The following AADAC variants were observed in gnomAD, a reference collection of about 807,000 sequenced individuals.
The protein encoded by AADAC is arylacetamide deacetylase (esterase).
A neutral mutation model predicts 22.7 loss-of-function variants in AADAC; 17 were observed. The ratio of observed to expected loss-of-function variants is 0.75; its 90% CI spans 0.51 to 1.12. The LOEUF is 1.12. Among genes scored for constraint, AADAC ranks in the 50% most tolerant of loss-of-function variants. The pLI is 0.00. For synonymous variants in AADAC, 167 were observed against 176.3 expected (o/e 0.95, Z 0.42); for missense variants, 465 against 473.9 (o/e 0.98, Z 0.17).
chr3:151,827,865 A>G lies in AADAC; in HGVS notation c.893A>G (p.Asn298Ser). 6.2e-7 allele frequency: 1 copy of G among 1,613,036 alleles called. No individual in the cohort carries two copies. Among genetic ancestry groups the G allele is most frequent in the Non-Finnish European group, 8.5e-7 (1 of 1,179,528 alleles). Residue 298 changes from asparagine to serine, a missense_variant, in exon 5 of 5, where the codon AAC (asparagine) becomes AGC (serine). Coordinates refer to ENST00000232892, the MANE Select transcript of AADAC (RefSeq NM_001086.3). ...PERFIKGHVYNNPNYGSSELA... is the reference protein window; with the variant it reads ...PERFIKGHVYSNPNYGSSELA... ...AGGTTTATAAAAGGACATGTTTATA[A>G]CAATCCAAATTATGGCAGTTCTGAG... is the stretch of plus-strand genomic sequence containing the variant.
In AADAC at chr3:151,828,216, A is replaced by C. The variant is rs777003750; in HGVS notation, c.*44A>C. The C allele has an allele frequency of 7.9e-7, 1 of 1,270,964 alleles. No homozygotes were observed. Among genetic ancestry groups the C allele is most frequent in the Non-Finnish European group, 1.0e-6 (1 of 954,920 alleles). The allele number at this position is 1,270,964 out of a possible 1,614,324, so 78.7% of individuals were successfully genotyped here. On this transcript the variant is annotated 3_prime_UTR_variant, in exon 5 of 5. Transcript: ENST00000232892. ...CATATTTTAAAAATAAAATCTGAAA[A>C]CCTCAGAAAATTTGCATTAGAAATT... is the stretch of plus-strand genomic sequence containing the variant.
chr3:151,814,393 G>A, intron 1 of AADAC, 93 bp downstream of exon 1: 1 of 1,292,866 alleles, frequency 7.7e-7, no homozygotes, highest in Non-Finnish European at 1.0e-6. Flanking sequence ...TTGATTTATT[G>A]ACTTATTCAT....
chr3:151,818,594 G>A (rs992234852), intron 2 of AADAC, among the ~76,000 whole-genome samples: 6 of 152,116 alleles, frequency 3.9e-5, no homozygotes, highest in African/African-American at 1.2e-4. Flanking sequence ...ACAGCTCAGC[G>A]TTTGCCTTAT....
intron 1 of AADAC, among the ~76,000 whole-genome samples, chr3:151,815,818 G>A (rs1003558078): frequency 2.0e-5 from 3 of 151,552 alleles, no homozygotes; most frequent in African/African-American, 4.8e-5. Flanking sequence ...TTTTGTGATC[G>A]TTTATGCTCC....
At chr3:151,816,243 T>C (rs982656302) in intron 1 of AADAC, among the ~76,000 whole-genome samples, 2 of 152,018 alleles carry the variant, frequency 1.3e-5, no homozygotes, top group Non-Finnish European at 2.9e-5. Flanking sequence ...ACCAGCTCCA[T>C]AGCCACACCT....
intron 1 of AADAC, among the ~76,000 whole-genome samples, chr3:151,814,691 A>C (rs150322703): frequency 6.6e-6 from 1 of 152,154 alleles, no homozygotes; most frequent in Non-Finnish European, 1.5e-5. Flanking sequence ...TTATGCACTT[A>C]TCTTTGGGAT....
rs1485306391 is a variant in AADAC at position 151,817,290 on chromosome 3, T to C, written c.139-76T>C. ...TCCATTTGAGTTTATTAAGGGTTAA[T>C]GTCTACCTATAAGTCCATAGATCTC... is the stretch of plus-strand genomic sequence containing the variant. On this transcript the variant is annotated intron_variant, in intron 1 of 4. Coordinates refer to ENST00000232892, the MANE Select transcript of AADAC (RefSeq NM_001086.3). The C allele has an allele frequency of 8.6e-5, 108 of 1,257,724 alleles. 1 individual carries two copies. Among genetic ancestry groups the C allele is most frequent in the Non-Finnish European group, 1.2e-4 (107 of 877,200 alleles). The allele number at this position is 1,257,724 out of a possible 1,614,324, so 77.9% of individuals were successfully genotyped here. A position where few individuals can be genotyped will look rare whatever the true frequency, so the allele number is the denominator to read the frequency against.
intron 3 of AADAC, 140 bp from the exon 4 acceptor site, chr3:151,824,523 A>G (rs1320152346): frequency 7.6e-6 from 4 of 522,884 alleles, no homozygotes; most frequent in Non-Finnish European, 1.2e-5. Flanking sequence ...TAAAGAAATT[A>G]TATACTTATG....
rs552581419 is a variant in AADAC, at chr3:151,814,177, G to T, written c.15G>T (p.Ser5=). Residue 5 remains serine, a synonymous_variant, in exon 1 of 5, where the codon TCG becomes TCT. Transcript: ENST00000232892. The part of the protein sequence containing the change: MGRK[S]LYLLIVGILI... ...GGACGTTCACCATGGGAAGAAAATCGCTGTACCTTCTGATTGTGGGGATCC... is the reference window on the plus strand; with the variant it reads ...GGACGTTCACCATGGGAAGAAAATCTCTGTACCTTCTGATTGTGGGGATCC... 3.1e-6 allele frequency: 5 copies of T among 1,613,278 alleles called. No individual in the cohort carries two copies. The Admixed American group carries it at 6.7e-5, about 22-fold the overall frequency.
At chr3:151,817,228 G>T (rs1716025861) in intron 1 of AADAC, 138 bp from the exon 2 acceptor site, 1 of 714,778 alleles carries the variant, frequency 1.4e-6, no homozygotes. Context: ...TCTTTTAAAA[G>T]GACCAAGCAG....
In AADAC at chr3:151,824,669, A is replaced by T. The variant is rs772072752; in HGVS notation, c.438A>T (p.Arg146Ser). 1 of 1,571,538 alleles carries T rather than the reference A, an allele frequency of 6.4e-7. No homozygotes were observed. Among genetic ancestry groups the T allele is most frequent in the African/African-American group, 1.4e-5 (1 of 73,152 alleles). Reference protein sequence around the residue: ...LDAVVVSTNYRLAPKYHFPIQ... With the variant: ...LDAVVVSTNYSLAPKYHFPIQ... ...CTATGTTTTCTCTCTACAGCTACAG[A>T]TTAGCACCTAAGTATCATTTCCCAA... The change falls in exon 4 of 5, where the codon AGA becomes AGT. Residue 146 changes from arginine to serine, a missense_variant. By Grantham distance (110) the Arg-to-Ser change is moderately radical. Coordinates refer to ENST00000232892, the MANE Select transcript of AADAC (RefSeq NM_001086.3).
At position 151,824,759 on chromosome 3, in the gene AADAC, T is replaced by C. The variant is rs761211940; in HGVS notation, c.528T>C (p.Tyr176=). The C allele has an allele frequency of 4.0e-5, 65 of 1,608,650 alleles. No individual in the cohort carries two copies. The highest frequency in any genetic ancestry group is 4.4e-5 in the Non-Finnish European group (52 of 1,177,348). Reference sequence around the variant, plus strand: ...TACGTAAAAAAGTTCTTGCAAAATATGGTGTGAACCCTGAGAGAATCGGTA... The same window carrying C: ...TACGTAAAAAAGTTCTTGCAAAATACGGTGTGAACCCTGAGAGAATCGGTA... ...WFLRKKVLAK[Y]GVNPERIGIS... is the part of the protein sequence containing the mutation. Residue 176 remains tyrosine, a synonymous_variant, in exon 4 of 5, where the codon TAT becomes TAC. Transcript: ENST00000232892.
chr3:151,826,099 T>C (rs1716482594), intron 4 of AADAC, among the ~76,000 whole-genome samples: 1 of 152,014 alleles, frequency 6.6e-6, no homozygotes, highest in African/African-American at 2.4e-5. Flanking sequence ...TATTTATTTA[T>C]AATTTTTCAC....
intron 4 of AADAC, among the ~76,000 whole-genome samples, chr3:151,825,392 C>A (rs1716445539): frequency 6.6e-6 from 1 of 151,476 alleles, no homozygotes; most frequent in African/African-American, 2.4e-5. Context: ...GGCCCTGTCT[C>A]TTAAAAGCAT....
At chr3:151,817,260 T>C (rs1165501952) in intron 1 of AADAC, 106 bp from the exon 2 acceptor site, 1 of 931,724 alleles carries the variant, frequency 1.1e-6, no homozygotes, top group African/African-American at 1.7e-5. Context: ...GAAAATTTAG[T>C]TCATTCCATT....
intron 4 of AADAC, 54 bp from the exon 5 acceptor site, chr3:151,827,522 G>A: frequency 1.0e-6 from 1 of 995,410 alleles, no homozygotes; most frequent in South Asian, 1.6e-5. Context: ...TCTTATTAGG[G>A]ATATTTTATT....
intron 3 of AADAC, 84 bp from the exon 4 acceptor site, chr3:151,824,579 T>G: frequency 1.1e-5 from 12 of 1,134,114 alleles, no homozygotes; most frequent in Non-Finnish European, 1.4e-5. Flanking sequence ...TATTGCGGTT[T>G]TGTCATTACT....
chr3:151,818,539 A>G (rs1461095268), intron 2 of AADAC, among the ~76,000 whole-genome samples: 1 of 152,162 alleles, frequency 6.6e-6, no homozygotes, highest in East Asian at 1.9e-4. Flanking sequence ...AAGGAAAGTG[A>G]CATTCAGAAA....
At chr3:151,825,228 A>G (rs1716436460) in intron 4 of AADAC, among the ~76,000 whole-genome samples, 1 of 151,462 alleles carries the variant, frequency 6.6e-6, no homozygotes, top group Non-Finnish European at 1.5e-5. Context: ...AAAAGAAAAA[A>G]GAAAAATTAG....
Sources: allele counts gnomAD v4.1 joint callset (sites outside exome capture counted in the v4.1 genomes callset), GRCh38; gene constraint gnomAD v4.1.1; transcripts MANE v1.5; gene names NCBI Gene and HGNC (gene_info 2026-07-23, HGNC 2026-07-21).